ITPKB: variants seen among roughly 807,000 people sequenced by gnomAD.
ITPKB encodes the protein inositol-trisphosphate 3-kinase B.
ITPKB carries 13 observed loss-of-function variants against 69.4 expected under a neutral mutation model. The ratio of observed to expected loss-of-function variants is 0.19; its 90% CI spans 0.12 to 0.30. The LOEUF is 0.30. Ranked by LOEUF, ITPKB falls within the 10% of genes least tolerant of loss-of-function variation. The pLI is 1.00. For missense variants in ITPKB, 1,240 were observed against 1,250.5 expected (o/e 0.99, Z 0.13); for synonymous variants, 584 against 513.7 (o/e 1.14, Z -1.85).
chr1:226,715,557 G>C (rs1293503967), intron 2 of ITPKB, among the ~76,000 whole-genome samples: 1 of 152,160 alleles, frequency 6.6e-6, no homozygotes, highest in Non-Finnish European at 1.5e-5. Context: ...GAAGTAACTT[G>C]AATCAAAATG....
At chr1:226,664,019 C>G (rs1005415057) in intron 2 of ITPKB, among the ~76,000 whole-genome samples, 1 of 152,216 alleles carries the variant, frequency 6.6e-6, no homozygotes, top group African/African-American at 2.4e-5. Flanking sequence ...GCATCGACAT[C>G]CGTAGAGGCT....
chr1:226,724,237 A>G (rs1369190747), intron 2 of ITPKB, among the ~76,000 whole-genome samples: 1 of 151,698 alleles, frequency 6.6e-6, no homozygotes, highest in Admixed American at 6.6e-5. Flanking sequence ...CGGGCTCCAC[A>G]CTCCCCAGCA....
At chr1:226,668,999 A>G (rs777134605) in intron 2 of ITPKB, 2 of 152,202 alleles carry the variant, frequency 1.3e-5, no homozygotes, top group African/African-American at 2.4e-5. Context: ...ATATACACAA[A>G]ATTCAATAAT....
At position 226,637,675 on chromosome 1, in the gene ITPKB, C is replaced by T; in HGVS notation, c.2625+4G>A. The stretch of plus-strand genomic sequence containing the variant: ...GCTCAAGAGGGCAAAAGCCCAGTAT[C>T]TACCTCGTGGCACTTGAAGAAGGGA... On this transcript the variant is annotated splice_donor_region_variant and intron_variant, in intron 7 of 7. Transcript: ENST00000429204. This position sits in a 1 kb window ranked among gnomAD's most constrained non-coding sequence, Gnocchi z 4.3. 5 of 1,610,770 alleles carry T rather than the reference C, an allele frequency of 3.1e-6. No homozygotes were observed. The highest frequency in any genetic ancestry group is 1.3e-5 in the African/African-American group (1 of 74,980).
At chr1:226,706,017 T>C (rs1035938132) in intron 2 of ITPKB, among the ~76,000 whole-genome samples, 5 of 152,124 alleles carry the variant, frequency 3.3e-5, no homozygotes, top group African/African-American at 4.8e-5. Flanking sequence ...TCCAAGCTGC[T>C]AAAGGGCTGG....
chr1:226,675,083 A>G (rs1669701473), intron 2 of ITPKB: 1 of 150,698 alleles, frequency 6.6e-6, no homozygotes, highest in Non-Finnish European at 1.5e-5. Flanking sequence ...ACCAGAAGGA[A>G]AGGAGACCTA....
intron 2 of ITPKB, among the ~76,000 whole-genome samples, chr1:226,651,951 A>T (rs779305855): frequency 2.6e-5 from 4 of 152,200 alleles, no homozygotes. Flanking sequence ...AGGCCCTGAG[A>T]GTCCCCCAGT....
intron 2 of ITPKB, chr1:226,676,246 GA>G (rs1669732861): frequency 1.3e-5 from 2 of 152,170 alleles, no homozygotes; most frequent in Non-Finnish European, 2.9e-5. Context: ...GTTGGTTTGG[GA>G]TGGTGAAAGT....
At chr1:226,679,632 T>C (rs552810535) in intron 2 of ITPKB, among the ~76,000 whole-genome samples, 1 of 152,346 alleles carries the variant, frequency 6.6e-6, no homozygotes, top group South Asian at 2.1e-4. Flanking sequence ...GTTTTCCTCA[T>C]CAGTCATTCA....
chr1:226,660,082 C>T (rs1305010356), intron 2 of ITPKB, among the ~76,000 whole-genome samples: 2 of 152,238 alleles, frequency 1.3e-5, no homozygotes, highest in Admixed American at 1.3e-4. Flanking sequence ...GCTTGGGTTT[C>T]TCTCCAGGAC....
At chr1:226,711,448 T>A (rs753491671) in intron 2 of ITPKB, among the ~76,000 whole-genome samples, 9,175 of 120,966 alleles carry the variant, frequency 0.076, 401 homozygotes, top group South Asian at 0.19. Context: ...AGAGAGTGTG[T>A]GTGTGTGTGT....
chr1:226,673,921 C>T (rs1048293583), intron 2 of ITPKB, among the ~76,000 whole-genome samples: 1 of 152,192 alleles, frequency 6.6e-6, no homozygotes, highest in Admixed American at 6.5e-5. Context: ...TATTTAATAA[C>T]ACAAACACAC....
At chr1:226,640,351 C>T (rs939991464) in intron 5 of ITPKB, among the ~76,000 whole-genome samples, 2 of 152,212 alleles carry the variant, frequency 1.3e-5, no homozygotes, top group African/African-American at 4.8e-5. Flanking sequence ...GGAGTCCCAA[C>T]AGTGGGCCGT....
At chr1:226,653,987 C>T (rs142354200) in intron 2 of ITPKB, among the ~76,000 whole-genome samples, 189 of 152,288 alleles carry the variant, frequency 1.2e-3, no homozygotes, top group Non-Finnish European at 2.1e-3. Context: ...AAGAGAGTCT[C>T]GTGCTGAACT....
intron 2 of ITPKB, among the ~76,000 whole-genome samples, chr1:226,667,874 G>A (rs1169327253): frequency 6.6e-6 from 1 of 151,974 alleles, no homozygotes; most frequent in Non-Finnish European, 1.5e-5. Context: ...GTGCGAAGTG[G>A]AGGTTGGTAT....
rs1291596224 is a variant in ITPKB, at chr1:226,684,822, GCA to G, written c.1933-36053_1933-36052del. On this transcript the variant is annotated intron_variant, in intron 2 of 7. Transcript: ENST00000429204. ...GAGGGCCCCAAAGACGTCCCTAGAG[GCA>G]CACAGGTGGGACCAGAGTCCAGATC... Among the ~76,000 whole-genome samples the G allele has an allele frequency of 2.6e-5, 4 of 152,146 alleles. No individual in the cohort carries two copies. In the East Asian group the frequency reaches 7.7e-4, roughly 29 times the overall value.
Position 226,637,818 on chromosome 1 carries a change from C to A in ITPKB, c.2554-68G>T. The A allele has an allele frequency of 8.4e-7, 1 of 1,189,854 alleles. No homozygotes were observed. Among genetic ancestry groups the A allele is most frequent in the Non-Finnish European group, 1.2e-6 (1 of 805,708 alleles). The allele number at this position is 1,189,854 out of a possible 1,614,324, so 73.7% of individuals were successfully genotyped here. A position where few individuals can be genotyped will look rare whatever the true frequency, so the allele number is the denominator to read the frequency against. ...GAAGGGCAGTGTCAGAACACCCATG[C>A]GGCCTCTAGTGGTCCCTCCCGTGAA... On this transcript the variant is annotated intron_variant, in intron 6 of 7. Transcript: ENST00000429204. The surrounding 1 kb of genome is among the most constrained non-coding windows in gnomAD (Gnocchi z 4.3).
rs1471423266 is a variant in ITPKB, at chr1:226,641,125, G to T, written c.2451+796C>A. On this transcript the variant is annotated intron_variant, in intron 5 of 7. Coordinates refer to ENST00000429204, the MANE Select transcript of ITPKB (RefSeq NM_002221.4). This position sits in a 1 kb window ranked among gnomAD's most constrained non-coding sequence, Gnocchi z 4.6. ...GGCTCTTGCAAATTTAACAGCAAGG[G>T]TGCACACAGGGGCCCAGGGACAGGG... Among the ~76,000 whole-genome samples, 1 of 152,218 alleles carries T rather than the reference G, an allele frequency of 6.6e-6. No individual in the cohort carries two copies. The highest frequency in any genetic ancestry group is 1.5e-5 in the Non-Finnish European group (1 of 68,036).
At chr1:226,730,742 A>T (rs1657566245) in intron 2 of ITPKB, among the ~76,000 whole-genome samples, 1 of 152,224 alleles carries the variant, frequency 6.6e-6, no homozygotes, top group Non-Finnish European at 1.5e-5. Flanking sequence ...TGACAAAATA[A>T]AATAAGCCTA....
Sources: gnomAD v4.1 joint callset for allele counts (sites outside exome capture counted in the v4.1 genomes callset) on GRCh38, gnomAD v4.1.1 for gene constraint, Gnocchi (gnomAD v3.1) non-coding constraint, MANE v1.5 for transcripts, NCBI Gene and HGNC (gene_info 2026-07-23, HGNC 2026-07-21) for gene names.